Variants in LY96 observed in about 807,000 individuals in gnomAD.
LY96 encodes myeloid differentiation protein-2.
Under a neutral mutation model 18.9 loss-of-function variants are expected in LY96, and 18 were observed. The observed-to-expected ratio is 0.95, with a 90% CI of 0.66 to 1.41. The LOEUF (loss-of-function observed/expected upper bound fraction) is 1.41. Among genes scored for constraint, LY96 ranks in the 40% most tolerant of loss-of-function variants. LY96 has a pLI of 0.00. For synonymous variants in LY96, 66 were observed against 62.6 expected (o/e 1.06, Z -0.26); for missense variants, 175 against 182.4 (o/e 0.96, Z 0.23).
the LY96 span, among the ~76,000 whole-genome samples, chr8:74,055,307 ATTT>A: frequency 0.055 from 8,384 of 151,960 alleles, 304 homozygotes; most frequent in African/African-American, 0.1. Flanking sequence ...TTATTTATTT[ATTT>A]ATTTATTTTT....
chr8:74,056,965 C>G, the LY96 span, among the ~76,000 whole-genome samples: 2 of 152,120 alleles, frequency 1.3e-5, no homozygotes, highest in Non-Finnish European at 2.9e-5. Context: ...GTTATGGCAG[C>G]GACAGACAAC....
At chr8:73,993,102 C>T (rs1302514430) in intron 1 of LY96, among the ~76,000 whole-genome samples, 1 of 151,394 alleles carries the variant, frequency 6.6e-6, no homozygotes, top group Non-Finnish European at 1.5e-5. Flanking sequence ...ATCTTGTGAT[C>T]TGCCCACCCC....
rs769379029 is a variant in LY96 at position 74,022,581 on chromosome 8, C to CT, written c.332-4193dup. On this transcript the variant is annotated intron_variant, in intron 3 of 4. Coordinates refer to ENST00000284818, the MANE Select transcript of LY96 (RefSeq NM_015364.5). ...GAAATCTAGGGTTTTTTCTTTTTTT[C>CT]TTTTTTTTTTTTTTTGTGACAGGGT... Among the ~76,000 whole-genome samples the CT allele has an allele frequency of 5.3e-3, 711 of 133,102 alleles. 8 individuals carry two copies. Among genetic ancestry groups the CT allele is most frequent in the African/African-American group, 0.013 (446 of 35,094 alleles). 87.3% of individuals were successfully genotyped at this position (133,102 alleles called of 152,430 possible).
chr8:74,055,647 G>A, the LY96 span, among the ~76,000 whole-genome samples: 7 of 152,254 alleles, frequency 4.6e-5, 1 homozygote, highest in South Asian at 1.5e-3. Flanking sequence ...TATAATCAAG[G>A]TCATAGGTCT....
chr8:74,002,272 G>T (rs558372601), intron 1 of LY96, among the ~76,000 whole-genome samples: 1 of 151,626 alleles, frequency 6.6e-6, no homozygotes, highest in Admixed American at 6.6e-5. Flanking sequence ...GAGTAGCTGG[G>T]ATTATAGCCA....
At chr8:74,039,721 A>G in the LY96 span, among the ~76,000 whole-genome samples, 7 of 152,198 alleles carry the variant, frequency 4.6e-5, no homozygotes, top group Admixed American at 3.3e-4. Context: ...TGCACTTATA[A>G]GAAAGATCAA....
chr8:74,096,035 C>T, the LY96 span, among the ~76,000 whole-genome samples: 116,485 of 152,190 alleles, frequency 0.77, 45,048 homozygotes, highest in East Asian at 0.99. Context: ...GAGCCAATTG[C>T]CTTGGAAGCA....
chr8:73,993,391 T>G lies in LY96; in HGVS notation c.112+1837T>G, dbSNP rs182762561. ...CCCTGGCTCAAGCCATCCTCCCAGC[T>G]CAGCCTTCCAAGTAGCTGGGACTAC... On this transcript the variant is annotated intron_variant, in intron 1 of 4. Transcript: ENST00000284818. Among the ~76,000 whole-genome samples the G allele has an allele frequency of 2.5e-3, 385 of 152,218 alleles. 2 individuals carry two copies. The highest frequency in any genetic ancestry group is 8.9e-3 in the African/African-American group (368 of 41,554).
intron 3 of LY96, among the ~76,000 whole-genome samples, chr8:74,022,107 A>T (rs1816774891): frequency 6.6e-6 from 1 of 152,084 alleles, no homozygotes; most frequent in Non-Finnish European, 1.5e-5. Context: ...GGAAGGTATG[A>T]GCAAGATATG....
At chr8:74,086,049 C>G in the LY96 span, among the ~76,000 whole-genome samples, 2 of 152,190 alleles carry the variant, frequency 1.3e-5, no homozygotes, top group South Asian at 2.1e-4. Flanking sequence ...AACCACCCCC[C>G]TCCCAGCCCC....
chr8:74,045,970 G>A, the LY96 span, among the ~76,000 whole-genome samples: 2 of 152,128 alleles, frequency 1.3e-5, no homozygotes, highest in African/African-American at 4.8e-5. Context: ...AGCATCTGGA[G>A]GGATGAATGG....
At chr8:74,090,626 T>C in the LY96 span, among the ~76,000 whole-genome samples, 5 of 152,184 alleles carry the variant, frequency 3.3e-5, no homozygotes, top group Non-Finnish European at 5.9e-5. Flanking sequence ...ACAGTCTGTA[T>C]TTTTAGTATG....
chr8:74,089,514 A>G, the LY96 span, among the ~76,000 whole-genome samples: 142 of 152,294 alleles, frequency 9.3e-4, no homozygotes, highest in Non-Finnish European at 1.8e-3. Context: ...TGACTCCTTC[A>G]CTGCCCTCGG....
the LY96 span, among the ~76,000 whole-genome samples, chr8:74,066,503 G>A: frequency 3.3e-5 from 5 of 152,128 alleles, no homozygotes; most frequent in South Asian, 2.1e-4. Context: ...GTAGGATAAC[G>A]TGGGTGTGAG....
the LY96 span, among the ~76,000 whole-genome samples, chr8:74,045,771 C>T: frequency 1.3e-5 from 2 of 152,062 alleles, no homozygotes; most frequent in Admixed American, 1.3e-4. Context: ...GACCGCCCCC[C>T]TACCTCCTTT....
At chr8:74,050,336 CTA>C in the LY96 span, among the ~76,000 whole-genome samples, 1 of 151,720 alleles carries the variant, frequency 6.6e-6, no homozygotes, top group Non-Finnish European at 1.5e-5. Flanking sequence ...GAGCGAGACT[CTA>C]TCTCGATTAA....
At chr8:74,041,089 G>T in the LY96 span, among the ~76,000 whole-genome samples, 4 of 152,148 alleles carry the variant, frequency 2.6e-5, no homozygotes, top group Non-Finnish European at 5.9e-5. Flanking sequence ...AACATAAATT[G>T]TGAAGATTTC....
At chr8:74,051,141 A>G in the LY96 span, among the ~76,000 whole-genome samples, 2 of 152,242 alleles carry the variant, frequency 1.3e-5, no homozygotes, top group Non-Finnish European at 2.9e-5. Flanking sequence ...ATTCTCCTGT[A>G]TAAGATTCAT....
At chr8:74,080,652 C>T in the LY96 span, among the ~76,000 whole-genome samples, 9 of 152,176 alleles carry the variant, frequency 5.9e-5, no homozygotes, top group Non-Finnish European at 1.0e-4. Flanking sequence ...CCCTGCTTCC[C>T]AACCTTTCTC....
Sources: allele counts gnomAD v4.1 joint callset (sites outside exome capture counted in the v4.1 genomes callset), GRCh38; gene constraint gnomAD v4.1.1; transcripts MANE v1.5; gene names NCBI Gene and HGNC (gene_info 2026-07-23, HGNC 2026-07-21).